Variants in KIZ observed in about 807,000 individuals in gnomAD.
KIZ encodes the protein centrosomal protein kizuna.
In KIZ, 68 loss-of-function variants were observed where a neutral mutation model predicts 79.6. The ratio of observed to expected loss-of-function variants is 0.85; its 90% CI spans 0.70 to 1.05. KIZ has a LOEUF of 1.05. Among genes scored for constraint, KIZ ranks in the 50% least tolerant of loss-of-function variants. The probability of loss-of-function intolerance (pLI) is 0.00; values close to 1 mark genes in which losing one functional copy is unlikely to be tolerated. For synonymous variants in KIZ, 280 were observed against 281.8 expected, an observed-to-expected ratio of 0.99 and a Z score of 0.06; for missense variants, 797 against 800.4, an observed-to-expected ratio of 1.00 and a Z score of 0.05.
chr20:21,169,010 GC>G (rs2034082342), intron 6 of KIZ, among the ~76,000 whole-genome samples: 1 of 152,118 alleles, frequency 6.6e-6, no homozygotes, highest in Admixed American at 6.5e-5. Context: ...TACCATTCAG[GC>G]CATAGGCATG....
chr20:21,162,116 C>A lies in KIZ; in HGVS notation c.651C>A (p.Cys217Ter), dbSNP rs1271112428. Reference sequence around the variant, plus strand: ...TACAAACTAGTAATGACACACAGTGCTTAAATAAGTCTGACAACATAGATG... The same window carrying A: ...TACAAACTAGTAATGACACACAGTGATTAAATAAGTCTGACAACATAGATG... Reference protein sequence around the residue: ...CVVQTSNDTQCLNKSDNIDGK... With the variant: ...CVVQTSNDTQ Residue 217 changes from cysteine to a stop codon, truncating the protein, a stop_gained, in exon 5 of 13, where the codon TGC (cysteine) becomes TGA (stop). Coordinates refer to ENST00000619189, the MANE Select transcript of KIZ (RefSeq NM_018474.6). LOFTEE classifies it high-confidence loss of function. 1 of 1,612,712 alleles carries A rather than the reference C, an allele frequency of 6.2e-7. No homozygotes were observed. The highest frequency in any genetic ancestry group is 1.1e-5 in the South Asian group (1 of 90,972).
chr20:21,155,037 T>G (rs146729448), intron 4 of KIZ, among the ~76,000 whole-genome samples: 202 of 152,354 alleles, frequency 1.3e-3, no homozygotes, highest in African/African-American at 4.8e-3. Context: ...TCATTTTTTG[T>G]TATAAAAGTT....
At position 21,202,943 on chromosome 20, in the gene KIZ, T is replaced by C. The variant is rs546102813; in HGVS notation, c.1353-2548T>C. Among the ~76,000 whole-genome samples the C allele has an allele frequency of 1.3e-3, 194 of 152,288 alleles. 1 individual carries two copies. The highest frequency in any genetic ancestry group is 4.5e-3 in the African/African-American group (188 of 41,566). ...CTTGTTTTATCTCTCTCCCTAACGCTTTTTTTCTTGAGTAGTTTAAAACAG... is the reference window on the plus strand; with the variant it reads ...CTTGTTTTATCTCTCTCCCTAACGCCTTTTTTCTTGAGTAGTTTAAAACAG... On this transcript the variant is annotated intron_variant, in intron 6 of 12. Coordinates refer to ENST00000619189, the MANE Select transcript of KIZ (RefSeq NM_018474.6).
intron 1 of KIZ, 35 bp from the exon 2 acceptor site, chr20:21,132,062 T>TAAGTA: frequency 1.1e-6 from 1 of 869,582 alleles, no homozygotes; most frequent in Non-Finnish European, 1.9e-6. Context: ...CTGTTACTTA[T>TAAGTA]CATGTAATTA....
chr20:21,231,445 A>G (rs957530218), intron 10 of KIZ, among the ~76,000 whole-genome samples: 1 of 152,186 alleles, frequency 6.6e-6, no homozygotes, highest in Non-Finnish European at 1.5e-5. Context: ...ATTTTTATTA[A>G]TTTATTCATA....
intron 6 of KIZ, chr20:21,198,283 C>G (rs1318930665): frequency 6.6e-6 from 1 of 152,166 alleles, no homozygotes; most frequent in Admixed American, 6.5e-5. Context: ...AGGATGGTCT[C>G]GATCTCCTGA....
At chr20:21,243,210 A>G (rs1434891267) in intron 11 of KIZ, among the ~76,000 whole-genome samples, 2 of 152,076 alleles carry the variant, frequency 1.3e-5, no homozygotes, top group Non-Finnish European at 2.9e-5. Context: ...GGCTGTGAGC[A>G]CTACTCAGTC....
At chr20:21,223,888 G>A (rs2036579674) in intron 9 of KIZ, among the ~76,000 whole-genome samples, 1 of 152,038 alleles carries the variant, frequency 6.6e-6, no homozygotes, top group Admixed American at 6.6e-5. Context: ...ATGTTGGTCA[G>A]GCTGGTCTTG....
intron 6 of KIZ, among the ~76,000 whole-genome samples, chr20:21,201,835 T>A (rs1161035268): frequency 6.6e-6 from 1 of 152,208 alleles, no homozygotes; most frequent in Non-Finnish European, 1.5e-5. Flanking sequence ...TGTGGTATGT[T>A]TTTGTAGAGC....
chr20:21,178,189 T>C (rs2034514018), intron 6 of KIZ, among the ~76,000 whole-genome samples: 1 of 152,158 alleles, frequency 6.6e-6, no homozygotes. Flanking sequence ...TTTAACAATA[T>C]TAAATCTTAT....
chr20:21,162,823 G>A lies in KIZ; in HGVS notation c.1043-27G>A, dbSNP rs769800038. The A allele has an allele frequency of 8.8e-6, 14 of 1,582,326 alleles. No homozygotes were observed. The Admixed American group carries it at 1.9e-4, about 22-fold the overall frequency. On this transcript the variant is annotated intron_variant, in intron 5 of 12. Coordinates refer to ENST00000619189, the MANE Select transcript of KIZ (RefSeq NM_018474.6). Reference sequence around the variant, plus strand: ...TGCTTCCTCCTGAAGTCAGTGATTGGTAATCAGTTCATGTCGCCACTTGCA... The same window carrying A: ...TGCTTCCTCCTGAAGTCAGTGATTGATAATCAGTTCATGTCGCCACTTGCA...
At chr20:21,139,482 A>T (rs547298916) in intron 3 of KIZ, among the ~76,000 whole-genome samples, 1 of 152,194 alleles carries the variant, frequency 6.6e-6, no homozygotes, top group Non-Finnish European at 1.5e-5. Flanking sequence ...GTCATTATCA[A>T]TGTTGTAAAC....
intron 4 of KIZ, among the ~76,000 whole-genome samples, chr20:21,148,035 A>G (rs113569502): frequency 0.016 from 2,380 of 150,606 alleles, 64 homozygotes; most frequent in African/African-American, 0.054. Context: ...GAGCAGTCAC[A>G]TCCCATGTGT....
At chr20:21,179,914 CAG>C (rs1347155994) in intron 6 of KIZ, among the ~76,000 whole-genome samples, 2 of 152,180 alleles carry the variant, frequency 1.3e-5, no homozygotes, top group Non-Finnish European at 2.9e-5. Flanking sequence ...TCCATTTCAT[CAG>C]AGAAAATACT....
intron 6 of KIZ, among the ~76,000 whole-genome samples, chr20:21,177,452 C>T (rs567035168): frequency 6.6e-6 from 1 of 152,130 alleles, no homozygotes; most frequent in Non-Finnish European, 1.5e-5. Flanking sequence ...TGCTGTTGAA[C>T]TGTTGGAGTT....
intron 9 of KIZ, among the ~76,000 whole-genome samples, chr20:21,222,990 G>T (rs1443221990): frequency 6.6e-6 from 1 of 152,090 alleles, no homozygotes; most frequent in African/African-American, 2.4e-5. Context: ...TACATTTTTA[G>T]CATCCAGTTC....
At chr20:21,136,227 C>T (rs187025968) in intron 2 of KIZ, among the ~76,000 whole-genome samples, 163 bp from the exon 3 acceptor site, 66 of 152,076 alleles carry the variant, frequency 4.3e-4, no homozygotes, top group African/African-American at 1.5e-3. Flanking sequence ...TTAACTTTCT[C>T]TCTCCAAAAA....
chr20:21,142,748 G>A (rs1472871105), intron 3 of KIZ, among the ~76,000 whole-genome samples: 4 of 151,806 alleles, frequency 2.6e-5, no homozygotes, highest in Non-Finnish European at 5.9e-5. Context: ...TTGTGATCAT[G>A]CCACTGCACT....
chr20:21,182,658 G>A (rs1337780069), intron 6 of KIZ, among the ~76,000 whole-genome samples: 3 of 151,898 alleles, frequency 2.0e-5, no homozygotes, highest in Non-Finnish European at 2.9e-5. Context: ...TTAGCTGGGC[G>A]TGTTGGTGTG....
Sources: gnomAD v4.1 joint callset for allele counts (sites outside exome capture counted in the v4.1 genomes callset) on GRCh38, gnomAD v4.1.1 for gene constraint, MANE v1.5 for transcripts, NCBI Gene and HGNC (gene_info 2026-07-23, HGNC 2026-07-21) for gene names.